Variants in PTPN14 observed in about 807,000 individuals in gnomAD.
PTPN14 encodes tyrosine-protein phosphatase non-receptor type 14.
A neutral mutation model predicts 126.8 loss-of-function variants in PTPN14; 53 were observed. That is an observed-to-expected ratio of 0.42 (90% confidence interval 0.34 to 0.53). PTPN14 has a LOEUF of 0.53. Among genes scored for constraint, PTPN14 ranks in the 20% least tolerant of loss-of-function variants. The pLI, the probability that PTPN14 is intolerant of heterozygous loss-of-function variation, is 0.08. For missense variants in PTPN14, 1,257 were observed against 1,552.9 expected, an observed-to-expected ratio of 0.81 and a Z score of 3.20; for synonymous variants, 630 against 599.3, an observed-to-expected ratio of 1.05 and a Z score of -0.75.
At chr1:214,433,898 G>A (rs1313622488) in intron 3 of PTPN14, among the ~76,000 whole-genome samples, 1 of 148,584 alleles carries the variant, frequency 6.7e-6, no homozygotes, top group Admixed American at 6.8e-5. Context: ...AGACCAGCCT[G>A]GGCAACATAG....
At chr1:214,457,203 A>C (rs1258666732) in intron 2 of PTPN14, among the ~76,000 whole-genome samples, 1 of 152,260 alleles carries the variant, frequency 6.6e-6, no homozygotes, top group Non-Finnish European at 1.5e-5. Flanking sequence ...TTTCTACTGT[A>C]GTGATAGCTT....
intron 3 of PTPN14, among the ~76,000 whole-genome samples, chr1:214,444,454 T>C (rs1660099389): frequency 6.6e-6 from 1 of 152,096 alleles, no homozygotes; most frequent in Admixed American, 6.6e-5. Flanking sequence ...AGACTTTAAA[T>C]ATCCAGTAAA....
At position 214,369,635 on chromosome 1, in the gene PTPN14, G is replaced by A; in HGVS notation, c.3093C>T (p.Ser1031=). 6.2e-7 allele frequency: 1 copy of A among 1,614,192 alleles called. No individual in the cohort carries two copies. Among genetic ancestry groups the A allele is most frequent in the Non-Finnish European group, 8.5e-7 (1 of 1,180,030 alleles). Residue 1031 remains serine (S), a synonymous_variant, in exon 17 of 19, where the codon AGC becomes AGT. Coordinates refer to ENST00000366956, the MANE Select transcript of PTPN14 (RefSeq NM_005401.5). ...CCTTGAACTTGCCATAGGTGGCTGA[G>A]CTGTGCTTTGAACCTAGTTTGGGCC... is the stretch of plus-strand genomic sequence containing the variant. The part of the protein sequence containing the change: ...RYWPKLGSKH[S]SATYGKFKVT...
At chr1:214,474,517 T>G (rs2102666799) in intron 1 of PTPN14, among the ~76,000 whole-genome samples, 1 of 152,202 alleles carries the variant, frequency 6.6e-6, no homozygotes, top group South Asian at 2.1e-4. Context: ...ACATACACAC[T>G]CCACAGCATA....
chr1:214,404,081 G>T (rs906729539), intron 5 of PTPN14, among the ~76,000 whole-genome samples: 2 of 152,098 alleles, frequency 1.3e-5, no homozygotes, highest in African/African-American at 4.8e-5. Flanking sequence ...CTTATATAAA[G>T]ATTCATCTCC....
intron 2 of PTPN14, among the ~76,000 whole-genome samples, chr1:214,460,498 A>G (rs4655250): frequency 0.82 from 119,096 of 144,786 alleles, 48,968 homozygotes; most frequent in African/African-American, 0.89. Context: ...AATGCAAGCC[A>G]AACTCTGCCT....
chr1:214,541,737 C>T (rs1339416897), intron 1 of PTPN14, among the ~76,000 whole-genome samples: 1 of 152,130 alleles, frequency 6.6e-6, no homozygotes. Context: ...CTCCTGATTG[C>T]TGCTCTTAAG....
intron 3 of PTPN14, among the ~76,000 whole-genome samples, chr1:214,434,837 G>A (rs905663985): frequency 5.3e-5 from 8 of 152,164 alleles, no homozygotes; most frequent in African/African-American, 1.7e-4. Flanking sequence ...ATGTGGCACA[G>A]GATGCCATTC....
At chr1:214,543,557 T>C (rs1420902605) in intron 1 of PTPN14, among the ~76,000 whole-genome samples, 1 of 152,134 alleles carries the variant, frequency 6.6e-6, no homozygotes, top group East Asian at 1.9e-4. Context: ...AAAGAATAAA[T>C]AATAAATCAC....
intron 15 of PTPN14, among the ~76,000 whole-genome samples, chr1:214,375,059 A>C (rs1658308563): frequency 6.6e-6 from 1 of 152,208 alleles, no homozygotes; most frequent in South Asian, 2.1e-4. Context: ...ACTCTCAAAA[A>C]TCCAAGTTAA....
chr1:214,501,146 C>T (rs931152172), intron 1 of PTPN14, among the ~76,000 whole-genome samples: 8 of 152,134 alleles, frequency 5.3e-5, no homozygotes, highest in Non-Finnish European at 8.8e-5. Flanking sequence ...ATGCCAAATT[C>T]GTCTTTTCAT....
In PTPN14 at chr1:214,384,141, G is replaced by T; in HGVS notation, c.1714C>A (p.Arg572=). The T allele has an allele frequency of 2.5e-6, 4 of 1,576,744 alleles. No homozygotes were observed. The highest frequency in any genetic ancestry group is 3.4e-6 in the Non-Finnish European group (4 of 1,163,904). ...GGGGTGCTGGTGGCAGGTCGTGGCC[G>T]TGGGTAGGGGGGCGGTGGCCTGAAG... ...YLFRPPPPYP[R]PRPATSTPDL... Residue 572 remains arginine, a synonymous_variant, in exon 13 of 19, where the codon CGG becomes AGG. Coordinates refer to ENST00000366956, the MANE Select transcript of PTPN14 (RefSeq NM_005401.5). The surrounding 1 kb of genome is among the most constrained non-coding windows in gnomAD (Gnocchi z 5.3).
At chr1:214,438,659 A>G (rs1339228144) in intron 3 of PTPN14, among the ~76,000 whole-genome samples, 2 of 152,136 alleles carry the variant, frequency 1.3e-5, no homozygotes, top group Admixed American at 6.5e-5. Context: ...ATAATGTACG[A>G]AGCCTCACAG....
chr1:214,545,695 G>A (rs1338700970), intron 1 of PTPN14, among the ~76,000 whole-genome samples: 1 of 152,182 alleles, frequency 6.6e-6, no homozygotes, highest in East Asian at 1.9e-4. Flanking sequence ...GAAAGGGATT[G>A]AGGGTGCTAA....
At chr1:214,437,001 CCT>C (rs1659935886) in intron 3 of PTPN14, among the ~76,000 whole-genome samples, 1 of 78,368 alleles carries the variant, frequency 1.3e-5, no homozygotes, top group South Asian at 3.3e-4. Context: ...TAGAACCAAG[CCT>C]CTCTGTATTT....
At chr1:214,543,447 T>C (rs1260403301) in intron 1 of PTPN14, among the ~76,000 whole-genome samples, 1 of 152,288 alleles carries the variant, frequency 6.6e-6, no homozygotes, top group South Asian at 2.1e-4. Flanking sequence ...ACAAAGATAA[T>C]AAGATATGTA....
intron 3 of PTPN14, among the ~76,000 whole-genome samples, chr1:214,418,364 T>C (rs1659471908): frequency 6.6e-6 from 1 of 152,212 alleles, no homozygotes; most frequent in Non-Finnish European, 1.5e-5. Context: ...GCCTAAGCTA[T>C]TTAATAAGGG....
At chr1:214,528,410 T>C (rs1378948782) in intron 1 of PTPN14, 2 of 152,154 alleles carry the variant, frequency 1.3e-5, no homozygotes, top group Non-Finnish European at 2.9e-5. Context: ...TCTAAGTATA[T>C]TAAGAATATG....
chr1:214,449,494 G>GTTTCACCCTCATCACTCATTACC (rs1408848563), intron 3 of PTPN14, among the ~76,000 whole-genome samples: 3 of 152,106 alleles, frequency 2.0e-5, no homozygotes, highest in Non-Finnish European at 2.9e-5. Context: ...TCTAGTCCAT[G>GTTTCACCCTCATCACTCATTACC]TTTCACCCTC....
Sources: allele counts gnomAD v4.1 joint callset (sites outside exome capture counted in the v4.1 genomes callset), GRCh38; gene constraint gnomAD v4.1.1; non-coding constraint Gnocchi (gnomAD v3.1); transcripts MANE v1.5; gene names NCBI Gene and HGNC (gene_info 2026-07-23, HGNC 2026-07-21).